Variants in PPP1R13L observed in about 807,000 individuals in gnomAD.
PPP1R13L encodes the protein protein phosphatase 1 regulatory subunit 13 like, also known as relA-associated inhibitor.
A neutral mutation model predicts 80.9 loss-of-function variants in PPP1R13L; 50 were observed. The observed-to-expected ratio is 0.62, with a 90% CI of 0.49 to 0.78. The LOEUF (loss-of-function observed/expected upper bound fraction) is 0.78. Ranked by LOEUF, PPP1R13L falls within the 30% of genes least tolerant of loss-of-function variation. The probability of loss-of-function intolerance (pLI) is 0.00; values close to 1 mark genes in which losing one functional copy is unlikely to be tolerated. For missense variants in PPP1R13L, 1,200 were observed against 1,205.9 expected (o/e 1.00, Z 0.07); for synonymous variants, 602 against 534.3 (o/e 1.13, Z -1.75).
upstream of PPP1R13L, chr19:45,406,221 T>G: frequency 1.1e-6 from 1 of 874,326 alleles, no homozygotes; most frequent in South Asian, 5.2e-5. This position sits in a 1 kb window ranked among gnomAD's most constrained non-coding sequence, Gnocchi z 4.2. Flanking sequence ...GTTCTGAACT[T>G]GTGAGGCATC....
chr19:45,388,029 C>T (rs1972902893), intron 8 of PPP1R13L, among the ~76,000 whole-genome samples: 1 of 151,608 alleles, frequency 6.6e-6, no homozygotes, highest in Admixed American at 6.6e-5. Flanking sequence ...ATTAGGTGGC[C>T]GTGGTGGTGC....
Position 45,396,849 on chromosome 19 carries a change from G to A in PPP1R13L, c.408C>T (p.Asp136=), listed in dbSNP as rs572662191. 3.2e-5 allele frequency: 49 copies of A among 1,522,532 alleles called. 1 individual carries two copies. In the South Asian group the frequency reaches 5.4e-4, roughly 17 times the overall value. The allele number at this position is 1,522,532 out of a possible 1,614,324, so 94.3% of individuals were successfully genotyped here. A position where few individuals can be genotyped will look rare whatever the true frequency, so the allele number is the denominator to read the frequency against. Residue 136 remains aspartate, a synonymous_variant, in exon 4 of 13, where the codon GAC becomes GAT. Transcript: ENST00000360957. This position sits in a 1 kb window ranked among gnomAD's most constrained non-coding sequence, Gnocchi z 5.3. ...YLQPDAYGSL[D]RATSPRPRAF... ...CGCGGGGCCGGGGCGAGGTCGCGCGGTCCAGGCTGCCGTAGGCGTCCGGCT... is the reference window on the plus strand; with the variant it reads ...CGCGGGGCCGGGGCGAGGTCGCGCGATCCAGGCTGCCGTAGGCGTCCGGCT...
chr19:45,405,510 C>G (rs188340562), upstream of PPP1R13L, among the ~76,000 whole-genome samples: 2,003 of 152,358 alleles, frequency 0.013, 21 homozygotes, highest in Middle Eastern at 0.024. Context: ...GCAGCCTCCG[C>G]GACCGCCCTC....
chr19:45,391,890 G>A lies in PPP1R13L; in HGVS notation c.1805C>T (p.Pro602Leu), dbSNP rs371559540. Reference sequence around the variant, plus strand: ...TCCTGTATTACTTACCATGCTCTGCGGCTGCTCTGGTGGGCTGCTCTGGGA... The same window carrying A: ...TCCTGTATTACTTACCATGCTCTGCAGCTGCTCTGGTGGGCTGCTCTGGGA... Reference protein sequence around the residue: ...APSQSSPPEQPQSMEMRSVLR... With the variant: ...APSQSSPPEQLQSMEMRSVLR... Residue 602 changes from proline (P) to leucine (L), a missense_variant, in exon 8 of 13, where the codon CCG becomes CTG. Transcript: ENST00000360957. 1.2e-5 allele frequency: 18 copies of A among 1,478,000 alleles called. No homozygotes were observed. Among genetic ancestry groups the A allele is most frequent in the South Asian group, 1.5e-5 (1 of 68,352 alleles). The allele number at this position is 1,478,000 out of a possible 1,614,324, so 91.6% of individuals were successfully genotyped here.
At chr19:45,388,849 T>C (rs758744215) in intron 8 of PPP1R13L, among the ~76,000 whole-genome samples, 1 of 152,036 alleles carries the variant, frequency 6.6e-6, no homozygotes, top group Admixed American at 6.6e-5. Flanking sequence ...GCAATTCTCC[T>C]GCCTGAGCCT....
intron 8 of PPP1R13L, among the ~76,000 whole-genome samples, chr19:45,388,312 A>G (rs937629478): frequency 1.3e-5 from 2 of 152,054 alleles, no homozygotes; most frequent in Middle Eastern, 3.4e-3. Flanking sequence ...ATTTCTCTAT[A>G]GTGGAATGTG....
upstream of PPP1R13L, chr19:45,405,118 G>A: frequency 1.1e-6 from 1 of 935,748 alleles, no homozygotes; most frequent in Non-Finnish European, 1.3e-6. Context: ...TGGGCTGGAG[G>A]GAGGCGGGTC....
rs763450687 is a variant in PPP1R13L at position 45,396,155 on chromosome 19, G to A, written c.903+13C>T. ...CTTCCCCAGCCTCTCCTCCCCAGGC[G>A]TCGCCTCCTCACCTTGCCGGTGCCC... On this transcript the variant is annotated intron_variant, in intron 6 of 12. Coordinates refer to ENST00000360957, the MANE Select transcript of PPP1R13L (RefSeq NM_006663.4). The surrounding 1 kb of genome is among the most constrained non-coding windows in gnomAD (Gnocchi z 5.3). 2.5e-6 allele frequency: 4 copies of A among 1,595,364 alleles called. No homozygotes were observed. Among genetic ancestry groups the A allele is most frequent in the Middle Eastern group, 1.7e-4 (1 of 5,976 alleles).
intron 1 of PPP1R13L, among the ~76,000 whole-genome samples, chr19:45,400,173 A>G (rs1360014892): frequency 6.6e-6 from 1 of 151,954 alleles, no homozygotes; most frequent in African/African-American, 2.4e-5. Context: ...CCTAGAGGGA[A>G]GCGACTGCTC....
chr19:45,400,454 C>G (rs546920955), intron 1 of PPP1R13L, among the ~76,000 whole-genome samples: 1 of 152,000 alleles, frequency 6.6e-6, no homozygotes, highest in South Asian at 2.1e-4. Flanking sequence ...CATGCTGATA[C>G]CCGCCTCTGT....
chr19:45,398,733 G>C (rs190623705), intron 1 of PPP1R13L, among the ~76,000 whole-genome samples: 179 of 151,086 alleles, frequency 1.2e-3, no homozygotes, highest in Middle Eastern at 6.8e-3. Flanking sequence ...ACAAGCGCGC[G>C]CCATTATGCC....
chr19:45,397,472 C>CTCTTTCTTTCTTTCTT (rs71173161), intron 3 of PPP1R13L, among the ~76,000 whole-genome samples: 4,545 of 83,230 alleles, frequency 0.055, 207 homozygotes, highest in South Asian at 0.075. Context: ...TTCTCTCTCT[C>CTCTTTCTTTCTTTCTT]TCTTTCTTTC....
chr19:45,392,428 A>G (rs753695199), intron 7 of PPP1R13L, 88 bp from the exon 8 acceptor site: 6 of 1,368,598 alleles, frequency 4.4e-6, no homozygotes, highest in Non-Finnish European at 6.2e-6. Flanking sequence ...TACAACCAGC[A>G]CATGATTTTC....
chr19:45,388,381 C>A (rs1241020340), intron 8 of PPP1R13L, among the ~76,000 whole-genome samples: 1 of 151,996 alleles, frequency 6.6e-6, no homozygotes, highest in African/African-American at 2.4e-5. Context: ...TTGAGACCAG[C>A]CTGGACAACA....
At chr19:45,405,694 G>A (rs1031998222), upstream of PPP1R13L, among the ~76,000 whole-genome samples, 2 of 152,220 alleles carry the variant, frequency 1.3e-5, no homozygotes, top group Non-Finnish European at 2.9e-5. Flanking sequence ...TCCCACCTGG[G>A]GAGAAGGGGT....
chr19:45,396,442 G>A lies in PPP1R13L; in HGVS notation c.713-6C>T. The A allele has an allele frequency of 6.2e-7, 1 of 1,613,978 alleles. No homozygotes were observed. Among genetic ancestry groups the A allele is most frequent in the Non-Finnish European group, 8.5e-7 (1 of 1,179,952 alleles). On this transcript the variant is annotated splice_polypyrimidine_tract_variant and splice_region_variant and intron_variant, in intron 4 of 12. Transcript: ENST00000360957. This position sits in a 1 kb window ranked among gnomAD's most constrained non-coding sequence, Gnocchi z 5.3. ...CCGGCGCAGCGTCAGGTCGTCTGGGGAGAAGTTTCCAGGGAGGATGAGACG... is the reference window on the plus strand; with the variant it reads ...CCGGCGCAGCGTCAGGTCGTCTGGGAAGAAGTTTCCAGGGAGGATGAGACG...
At chr19:45,387,623 C>T (rs926380986) in intron 8 of PPP1R13L, among the ~76,000 whole-genome samples, 1 of 152,092 alleles carries the variant, frequency 6.6e-6, no homozygotes, top group Non-Finnish European at 1.5e-5. Context: ...GGTGCGATCT[C>T]AGCTCACTGC....
intron 1 of PPP1R13L, among the ~76,000 whole-genome samples, chr19:45,398,795 C>T (rs1314605183): frequency 1.3e-5 from 2 of 151,718 alleles, no homozygotes; most frequent in Non-Finnish European, 2.9e-5. Context: ...CGCGCCCGGC[C>T]GTGTCCATCT....
At chr19:45,382,109 T>G (rs575702089) in intron 12 of PPP1R13L, among the ~76,000 whole-genome samples, 1 of 151,448 alleles carries the variant, frequency 6.6e-6, no homozygotes, top group Non-Finnish European at 1.5e-5. Flanking sequence ...GGCGTGGTGG[T>G]GGTGGGCGCC....
Sources: gnomAD v4.1 joint callset for allele counts (sites outside exome capture counted in the v4.1 genomes callset) on GRCh38, gnomAD v4.1.1 for gene constraint, Gnocchi (gnomAD v3.1) non-coding constraint, MANE v1.5 for transcripts, NCBI Gene and HGNC (gene_info 2026-07-23, HGNC 2026-07-21) for gene names.